The following PKD2L2 variants were observed in gnomAD, a reference collection of about 807,000 sequenced individuals.
The protein encoded by PKD2L2 is polycystin-2-like protein 2.
A neutral mutation model predicts 83.9 loss-of-function variants in PKD2L2; 67 were observed. The ratio of observed to expected loss-of-function variants is 0.80; its 90% CI spans 0.66 to 0.98. The LOEUF (loss-of-function observed/expected upper bound fraction) is 0.98. PKD2L2 is among the 50% of genes least tolerant of loss of function. PKD2L2 has a pLI of 0.00. For synonymous variants in PKD2L2, 223 were observed against 237.8 expected, an observed-to-expected ratio of 0.94 and a Z score of 0.57; for missense variants, 632 against 717.2, an observed-to-expected ratio of 0.88 and a Z score of 1.36.
At chr5:137,889,896 G>A (rs1051569266) in intron 1 of PKD2L2, 30 of 264,668 alleles carry the variant, frequency 1.1e-4, no homozygotes, top group African/African-American at 6.6e-4. Context: ...AAGCTGTATT[G>A]AGGGTGGAGA....
At position 137,889,461 on chromosome 5, in the gene PKD2L2, G is replaced by T. The variant is rs1383283445; in HGVS notation, c.-31G>T. 1.3e-6 allele frequency: 2 copies of T among 1,585,440 alleles called. No homozygotes were observed. Among genetic ancestry groups the T allele is most frequent in the Non-Finnish European group, 1.7e-6 (2 of 1,168,218 alleles). On this transcript the variant is annotated 5_prime_UTR_variant, in exon 1 of 15. Transcript: ENST00000508883. ...GCGCGCAAGCGCCGCGGCCTCAGGC[G>T]AACGAACGGGCGGTGTAGTGCAGGT...
At chr5:137,908,061 TCCTAG>T in intron 7 of PKD2L2, 149 bp downstream of exon 7, 1 of 395,656 alleles carries the variant, frequency 2.5e-6, no homozygotes, top group Non-Finnish European at 4.4e-6. Context: ...ATACCTGTAC[TCCTAG>T]CACTTTGGAA....
chr5:137,906,734 C>T (rs1188132999), intron 6 of PKD2L2, among the ~76,000 whole-genome samples: 2 of 150,134 alleles, frequency 1.3e-5, no homozygotes, highest in South Asian at 4.3e-4. Flanking sequence ...AAATGTATTA[C>T]TTACAGGGCC....
intron 5 of PKD2L2, among the ~76,000 whole-genome samples, chr5:137,900,167 C>T (rs1307101043): frequency 1.3e-5 from 2 of 152,126 alleles, no homozygotes; most frequent in East Asian, 1.9e-4. Flanking sequence ...AATTAGAGTA[C>T]GTACTGTACT....
intron 14 of PKD2L2, among the ~76,000 whole-genome samples, chr5:137,937,678 G>A (rs1199184030): frequency 6.6e-6 from 1 of 152,176 alleles, no homozygotes; most frequent in Non-Finnish European, 1.5e-5. Context: ...TTAAGAGACT[G>A]TACATCCAGT....
At chr5:137,895,862 T>G in intron 4 of PKD2L2, among the ~76,000 whole-genome samples, 1 of 140,688 alleles carries the variant, frequency 7.1e-6, no homozygotes. Context: ...TGGACGGTAG[T>G]GTGAGACACA....
chr5:137,938,505 T>C (rs1242434810), intron 14 of PKD2L2: 3 of 152,598 alleles, frequency 2.0e-5, no homozygotes, highest in Non-Finnish European at 2.9e-5. Context: ...AAATGATACA[T>C]CTTTTGGTAT....
intron 6 of PKD2L2, 128 bp downstream of exon 6, chr5:137,906,562 A>G (rs1274192997): frequency 1.7e-6 from 1 of 573,732 alleles, no homozygotes. Context: ...TCAAACATAA[A>G]ATGTACTGGG....
At position 137,926,364 on chromosome 5, in the gene PKD2L2, T is replaced by TA. The variant is rs5871655; in HGVS notation, c.1671+447dup. On this transcript the variant is annotated intron_variant, in intron 12 of 14. Transcript: ENST00000508883. ...TAAATATACTATTACCACTACCACTTAAAAAAAAAAAAGTGAACCATTGCT... is the reference window on the plus strand; with the variant it reads ...TAAATATACTATTACCACTACCACTTAAAAAAAAAAAAAGTGAACCATTGCT... Among the ~76,000 whole-genome samples the TA allele has an allele frequency of 2.1e-3, 311 of 149,702 alleles. 1 individual carries two copies. The highest frequency in any genetic ancestry group is 7.2e-3 in the African/African-American group (293 of 40,794).
intron 4 of PKD2L2, among the ~76,000 whole-genome samples, chr5:137,898,365 TA>T (rs1018902512): frequency 6.3e-4 from 96 of 152,256 alleles, no homozygotes; most frequent in African/African-American, 2.2e-3. Context: ...TGAGCATTTA[TA>T]AACAATATGT....
chr5:137,895,238 AAGG>A (rs1454187206), intron 4 of PKD2L2, among the ~76,000 whole-genome samples: 3 of 151,842 alleles, frequency 2.0e-5, no homozygotes, highest in Non-Finnish European at 4.4e-5. Context: ...GAAGCCAAGG[AAGG>A]AGGATTGCTT....
chr5:137,918,121 T>C (rs1190218864), intron 8 of PKD2L2, among the ~76,000 whole-genome samples: 1 of 152,170 alleles, frequency 6.6e-6, no homozygotes, highest in African/African-American at 2.4e-5. Flanking sequence ...ATTTTGAAAA[T>C]CAGATTCTTC....
At chr5:137,918,856 T>TC (rs1758619793) in intron 8 of PKD2L2, among the ~76,000 whole-genome samples, 2 of 151,570 alleles carry the variant, frequency 1.3e-5, no homozygotes, top group Admixed American at 1.3e-4. Context: ...TTTTTTTTTT[T>TC]TTTCCTGATC....
chr5:137,891,608 T>G (rs1755990448), intron 2 of PKD2L2, among the ~76,000 whole-genome samples: 1 of 152,236 alleles, frequency 6.6e-6, no homozygotes, highest in Non-Finnish European at 1.5e-5. Flanking sequence ...AAAGATCATT[T>G]ATAATCCCAT....
chr5:137,901,106 A>G (rs1181605921), intron 5 of PKD2L2, among the ~76,000 whole-genome samples: 1 of 151,812 alleles, frequency 6.6e-6, no homozygotes, highest in African/African-American at 2.4e-5. Context: ...ATTGCACTTC[A>G]GCCTGGACAA....
intron 8 of PKD2L2, among the ~76,000 whole-genome samples, chr5:137,918,107 GATA>G (rs1436158720): frequency 6.6e-6 from 1 of 152,164 alleles, no homozygotes; most frequent in East Asian, 1.9e-4. Flanking sequence ...CTAATAATGT[GATA>G]ATTTTGAAAA....
In PKD2L2 at chr5:137,906,245, T is replaced by C. The variant is rs1580918562; in HGVS notation, c.786T>C (p.Thr262=). 6.2e-7 allele frequency: 1 copy of C among 1,612,334 alleles called. No homozygotes were observed. Among genetic ancestry groups the C allele is most frequent in the East Asian group, 2.2e-5 (1 of 44,836 alleles). The change falls in exon 6 of 15, where the codon ACT becomes ACC. Residue 262 remains threonine, a synonymous_variant. Coordinates refer to ENST00000508883, the MANE Select transcript of PKD2L2 (RefSeq NM_001300921.2). ...AEFPATGGIL[T]SWQFYSVKLL... ...TCCCTGCAACTGGAGGAATACTTAC[T>C]TCATGGCAGTTTTACTCTGTGAAGC...
At position 137,899,611 on chromosome 5, in the gene PKD2L2, C is replaced by T. The variant is rs200116539; in HGVS notation, c.620C>T (p.Ser207Leu). 1.2e-5 allele frequency: 20 copies of T among 1,613,482 alleles called. No homozygotes were observed. In the East Asian group the frequency reaches 1.3e-4, roughly 11 times the overall value. ...NGGYIFTLSK[S>L]KSETKNKFID... ...GGATACATTTTCACTTTATCAAAAT[C>T]GAAATCTGAAACCAAAAACAAGTTC... The change falls in exon 5 of 15, where the codon TCG becomes TTG. Residue 207 changes from serine (S) to leucine (L), a missense_variant. Transcript: ENST00000508883.
At chr5:137,890,951 TCAAAGTA>T (rs1175537175) in intron 2 of PKD2L2, among the ~76,000 whole-genome samples, 1 of 152,194 alleles carries the variant, frequency 6.6e-6, no homozygotes, top group Non-Finnish European at 1.5e-5. Flanking sequence ...GTTTCATAAA[TCAAAGTA>T]CAAATGAGGC....
Sources: gnomAD v4.1 joint callset for allele counts (sites outside exome capture counted in the v4.1 genomes callset) on GRCh38, gnomAD v4.1.1 for gene constraint, MANE v1.5 for transcripts, NCBI Gene and HGNC (gene_info 2026-07-23, HGNC 2026-07-21) for gene names.